The following F5 variants were observed in gnomAD, a reference collection of about 807,000 sequenced individuals.
F5 encodes the protein activated protein c cofactor.
A neutral mutation model predicts 216.4 loss-of-function variants in F5; 138 were observed. The observed-to-expected ratio is 0.64, with a 90% CI of 0.56 to 0.73. F5 has a LOEUF of 0.73. F5 is among the 30% of genes least tolerant of loss of function. F5 has a pLI of 0.00. For synonymous variants in F5, 916 were observed against 930.7 expected (o/e 0.98, Z 0.29); for missense variants, 2,403 against 2,674.0 (o/e 0.90, Z 2.24).
At chr1:169,526,528 C>T (rs1388585551) in intron 17 of F5, among the ~76,000 whole-genome samples, 1 of 152,118 alleles carries the variant, frequency 6.6e-6, no homozygotes, top group African/African-American at 2.4e-5. Context: ...AATGAGATTT[C>T]TAAAACCTCT....
rs774452925 is a variant in F5 at position 169,541,253 on chromosome 1, G to T, written c.3837C>A (p.Asp1279Glu). Residue 1279 changes from aspartate to glutamate, a missense_variant, in exon 13 of 25, where the codon GAC (aspartate) becomes GAA (glutamate). Around this residue, in one of 4 missense-constraint regions of F5, gnomAD observed 1,425 missense variants for 1,554.8 expected, o/e 0.92. Transcript: ENST00000367797. ...PALGQMPLSP[D>E]LSHTTLSLDF... ...CTAGAGAAAGGGTTGTATGGCTGAG[G>T]TCTGGAGAAAGGGGCATCTGACCGA... 5 of 1,540,808 alleles carry T rather than the reference G, an allele frequency of 3.2e-6. No homozygotes were observed. Among genetic ancestry groups the T allele is most frequent in the Non-Finnish European group, 4.4e-6 (5 of 1,132,918 alleles).
intron 19 of F5, 41 bp from the exon 20 acceptor site, chr1:169,523,945 A>T: frequency 3.9e-6 from 6 of 1,536,194 alleles, no homozygotes; most frequent in Middle Eastern, 1.7e-4. Flanking sequence ...TGAATTTTTT[A>T]AAAACCCAGC....
intron 2 of F5, among the ~76,000 whole-genome samples, chr1:169,572,688 G>A (rs9332522): frequency 6.6e-6 from 1 of 152,180 alleles, no homozygotes; most frequent in South Asian, 2.1e-4. Context: ...ATTACAGAGG[G>A]TGATGCGAGA....
chr1:169,518,044 T>A (rs1251587199), intron 23 of F5, among the ~76,000 whole-genome samples: 2 of 152,228 alleles, frequency 1.3e-5, no homozygotes, highest in East Asian at 3.8e-4. Flanking sequence ...CTCATTCATT[T>A]ACATATTGTT....
intron 13 of F5, among the ~76,000 whole-genome samples, chr1:169,539,615 T>C (rs1659786621): frequency 6.6e-6 from 1 of 152,214 alleles, no homozygotes; most frequent in Non-Finnish European, 1.5e-5. Context: ...TTGCCTACTG[T>C]AATTACACTT....
chr1:169,532,505 T>G (rs1189444664), intron 14 of F5, among the ~76,000 whole-genome samples: 1 of 152,230 alleles, frequency 6.6e-6, no homozygotes, highest in Non-Finnish European at 1.5e-5. Context: ...AGTTTCAGGA[T>G]GCAAGATTAA....
intron 9 of F5, among the ~76,000 whole-genome samples, chr1:169,550,292 C>CCG (rs1660134768): frequency 2.7e-5 from 2 of 74,180 alleles, no homozygotes; most frequent in Non-Finnish European, 5.8e-5. Context: ...CCCCCCACCC[C>CCG]CCCCCCCCGA....
At chr1:169,517,859 GAAA>G (rs1659194362) in intron 23 of F5, among the ~76,000 whole-genome samples, 1 of 152,072 alleles carries the variant, frequency 6.6e-6, no homozygotes, top group Admixed American at 6.6e-5. Context: ...TTAGGAAAAT[GAAA>G]AAATATTGCT....
At position 169,549,732 on chromosome 1, in the gene F5, G is replaced by A. The variant is rs1571581555; in HGVS notation, c.1611+69C>T. ...AGGAAATGCCCCATTATTTAGCCAG[G>A]AGACCTAACATGTTCTAGCCAGAAG... On this transcript the variant is annotated intron_variant, in intron 10 of 24. Coordinates refer to ENST00000367797, the MANE Select transcript of F5 (RefSeq NM_000130.5). The A allele has an allele frequency of 1.7e-5, 20 of 1,150,140 alleles. No homozygotes were observed. In the South Asian group the frequency reaches 2.6e-4, roughly 15 times the overall value. 71.2% of individuals were successfully genotyped at this position (1,150,140 alleles called of 1,614,324 possible).
chr1:169,582,493 T>C lies in F5; in HGVS notation c.188A>G (p.Lys63Arg). 6.4e-7 allele frequency: 1 copy of C among 1,559,736 alleles called. No homozygotes were observed. Among genetic ancestry groups the C allele is most frequent in the East Asian group, 2.2e-5 (1 of 44,448 alleles). The change falls in exon 2 of 25, where the codon AAA becomes AGA. Residue 63 changes from lysine to arginine, a missense_variant. By Grantham distance (26) the Lys-to-Arg change is conservative (BLOSUM62 2). This residue lies in a region of F5 where 1,425 missense variants were observed against 1,554.8 expected (regional missense o/e 0.92). Coordinates refer to ENST00000367797, the MANE Select transcript of F5 (RefSeq NM_000130.5). The stretch of plus-strand genomic sequence containing the variant: ...TGGTTCATACTCTCTGTAGACAATT[T>C]TCTTAAAGGAAGTTACAGAAAGATT... ...SLNLSVTSFK[K>R]IVYREYEPYF...
chr1:169,544,558 C>T, intron 11 of F5, 50 bp from the exon 12 acceptor site: 1 of 1,465,282 alleles, frequency 6.8e-7, no homozygotes, highest in East Asian at 2.3e-5. Flanking sequence ...AACAAAAGGG[C>T]ATGTGTCTAA....
rs759167620 is a variant in F5, at chr1:169,544,296, C to T, written c.1975G>A (p.Gly659Arg). 1.9e-6 allele frequency: 3 copies of T among 1,613,520 alleles called. No individual in the cohort carries two copies. The highest frequency in any genetic ancestry group is 2.5e-6 in the Non-Finnish European group (3 of 1,179,652). The change falls in exon 12 of 25, where the codon GGA becomes AGA. Residue 659 changes from glycine to arginine, a missense_variant and splice_region_variant. Gly to Arg is a moderately radical substitution (Grantham distance 125, BLOSUM62 -2). Transcript: ENST00000367797. The part of the protein sequence containing the change: ...ESVTVTMDNV[G>R]TWMLTSMNSS... ...TGTGAGTGTCCAGACTCTTACTCAC[C>T]AACATTATCCATTGTGACCGTCACA...
At chr1:169,528,440 A>G (rs1659511644) in intron 16 of F5, among the ~76,000 whole-genome samples, 1 of 152,232 alleles carries the variant, frequency 6.6e-6, no homozygotes, top group African/African-American at 2.4e-5. Context: ...AAAGATAAAT[A>G]CAAATATGGG....
At chr1:169,582,570 A>G (rs745692928) in intron 1 of F5, 48 bp from the exon 2 acceptor site, 3 of 984,964 alleles carry the variant, frequency 3.0e-6, no homozygotes, top group Non-Finnish European at 4.7e-6. Flanking sequence ...TTCAATATCT[A>G]TTTCTCACAT....
At chr1:169,576,214 G>T (rs73037438) in intron 2 of F5, among the ~76,000 whole-genome samples, 1 of 152,136 alleles carries the variant, frequency 6.6e-6, no homozygotes, top group African/African-American at 2.4e-5. Flanking sequence ...AATTTGTGTT[G>T]TTTTAGCCAC....
At chr1:169,523,028 A>T (rs1659348047) in intron 21 of F5, among the ~76,000 whole-genome samples, 169 bp downstream of exon 21, 1 of 152,202 alleles carries the variant, frequency 6.6e-6, no homozygotes, top group Non-Finnish European at 1.5e-5. Context: ...AATTTGTAAG[A>T]CACAGACCTA....
At chr1:169,580,540 T>G (rs899817525) in intron 2 of F5, among the ~76,000 whole-genome samples, 4 of 152,038 alleles carry the variant, frequency 2.6e-5, no homozygotes, top group Admixed American at 6.6e-5. Context: ...TGTACCATCA[T>G]GCACAACTAA....
At position 169,552,692 on chromosome 1, in the gene F5, A is replaced by T. The variant is rs745497430; in HGVS notation, c.1161T>A (p.Ile387=). ...SQHLDNFSNQ[I]GKHYKKVMYT... ...ACATAACTTTCTTATAATGTTTTCCAATTTGGTTTGAGAAATTATCCAAAT... is the reference window on the plus strand; with the variant it reads ...ACATAACTTTCTTATAATGTTTTCCTATTTGGTTTGAGAAATTATCCAAAT... Residue 387 remains isoleucine (I), a synonymous_variant, in exon 8 of 25, where the codon ATT becomes ATA. Transcript: ENST00000367797. 6.2e-7 allele frequency: 1 copy of T among 1,612,708 alleles called. No individual in the cohort carries two copies. The highest frequency in any genetic ancestry group is 8.5e-7 in the Non-Finnish European group (1 of 1,179,582).
chr1:169,586,340 G>C lies in F5; in HGVS notation c.47C>G (p.Thr16Ser), dbSNP rs1271328618. 1.5e-5 allele frequency: 24 copies of C among 1,613,980 alleles called. No homozygotes were observed. The highest frequency in any genetic ancestry group is 2.0e-5 in the Non-Finnish European group (24 of 1,179,986). The change falls in exon 1 of 25, where the codon ACC becomes AGC. Residue 16 changes from threonine to serine, a missense_variant. This residue lies in a region of F5 where 1,425 missense variants were observed against 1,554.8 expected (regional missense o/e 0.92). Transcript: ENST00000367797. ...PRLWVLVVLG[T>S]SWVGWGSQGT... ...TTGGCTCCCCCAGCCTACCCAGCTG[G>C]TGCCCAAGACCACCAGGACCCAGAG...
Sources: allele counts gnomAD v4.1 joint callset (sites outside exome capture counted in the v4.1 genomes callset), GRCh38; gene constraint gnomAD v4.1.1; regional missense constraint gnomAD v4.1.1; transcripts MANE v1.5; gene names NCBI Gene and HGNC (gene_info 2026-07-23, HGNC 2026-07-21).